MS4A6E: variants seen among roughly 807,000 people sequenced by gnomAD.
The protein encoded by MS4A6E is membrane spanning 4-domains A6E.
A neutral mutation model predicts 13.2 loss-of-function variants in MS4A6E; 8 were observed. That is an observed-to-expected ratio of 0.60 (90% CI 0.35 to 1.09). The LOEUF (loss-of-function observed/expected upper bound fraction) is 1.09, where lower values mean the gene tolerates loss of function less well. MS4A6E is among the 50% of genes least tolerant of loss of function. MS4A6E has a pLI of 0.02. For synonymous variants in MS4A6E, 72 were observed against 67.6 expected, an observed-to-expected ratio of 1.06 and a Z score of -0.32; for missense variants, 177 against 171.1, an observed-to-expected ratio of 1.03 and a Z score of -0.19.
intron 2 of MS4A6E, among the ~76,000 whole-genome samples, chr11:60,335,867 G>C (rs1250530785): frequency 2.0e-5 from 3 of 152,128 alleles, no homozygotes; most frequent in African/African-American, 7.2e-5. Flanking sequence ...TGCAGTATTT[G>C]GTTTTGTTAG....
At chr11:60,332,300 A>ACCT (rs756875960) in intron 1 of MS4A6E, among the ~76,000 whole-genome samples, 1 of 152,256 alleles carries the variant, frequency 6.6e-6, no homozygotes, top group Non-Finnish European at 1.5e-5. Flanking sequence ...AAACTCGGAT[A>ACCT]TCAAGGTATA....
At position 60,334,031 on chromosome 11, in the gene MS4A6E, T is replaced by C. The variant is rs73495328; in HGVS notation, c.-14-851T>C. 3.6e-3 allele frequency among the ~76,000 whole-genome samples: 553 copies of C among 152,310 alleles called. 3 individuals carry two copies. Among genetic ancestry groups the C allele is most frequent in the African/African-American group, 0.013 (543 of 41,554 alleles). On this transcript the variant is annotated intron_variant, in intron 1 of 4. Transcript: ENST00000684409. Reference sequence around the variant, plus strand: ...CTGGAGAAAACCCTGAAGTCCCAGCTTCTCCCTTAGGGAAGCAACAGGAGT... The same window carrying C: ...CTGGAGAAAACCCTGAAGTCCCAGCCTCTCCCTTAGGGAAGCAACAGGAGT...
chr11:60,337,991 T>C (rs371718141), intron 3 of MS4A6E, 44 bp downstream of exon 3: 1 of 1,565,926 alleles, frequency 6.4e-7, no homozygotes, highest in African/African-American at 1.4e-5. Flanking sequence ...ATGAGGTTTC[T>C]GAAAGCCTTG....
intron 4 of MS4A6E, 92 bp downstream of exon 4, chr11:60,340,056 A>G (rs575503253): frequency 1.9e-6 from 3 of 1,567,504 alleles, no homozygotes; most frequent in East Asian, 4.6e-5. Context: ...TAGAAGGAAC[A>G]ATCAGTCAGT....
chr11:60,327,858 C>T (rs781664240), intron 1 of MS4A6E, among the ~76,000 whole-genome samples: 8 of 151,718 alleles, frequency 5.3e-5, no homozygotes, highest in South Asian at 2.1e-4. Context: ...GGTGAAACCT[C>T]GTCTCTACCA....
chr11:60,339,308 A>G (rs1297543688), intron 3 of MS4A6E, among the ~76,000 whole-genome samples: 1 of 152,234 alleles, frequency 6.6e-6, no homozygotes, highest in Non-Finnish European at 1.5e-5. Flanking sequence ...CAAAAATAAA[A>G]AACATCCAAA....
intron 2 of MS4A6E, among the ~76,000 whole-genome samples, chr11:60,337,115 A>G (rs150969898): frequency 1.1e-4 from 17 of 152,202 alleles, no homozygotes; most frequent in Middle Eastern, 3.4e-3. Flanking sequence ...GCTGCGCTCA[A>G]TGTGGCCAGT....
At chr11:60,334,782 C>A in intron 1 of MS4A6E, 100 bp from the exon 2 acceptor site, 2 of 1,297,504 alleles carry the variant, frequency 1.5e-6, no homozygotes, top group Non-Finnish European at 2.2e-6. Context: ...AACACACAGG[C>A]CAAGTCTGGA....
At position 60,339,923 on chromosome 11, in the gene MS4A6E, A is replaced by C; in HGVS notation, c.412A>C (p.Thr138Pro). Residue 138 changes from threonine (T) to proline (P), a missense_variant, in exon 4 of 5, where the codon ACT (threonine) becomes CCT (proline). Coordinates refer to ENST00000684409, the MANE Select transcript of MS4A6E (RefSeq NM_139249.4). ...GTTGGAGTTCTGCCTAGCTGTGCTCACTGCTGTGCTGCAGTGGAAACAGAC... is the reference window on the plus strand; with the variant it reads ...GTTGGAGTTCTGCCTAGCTGTGCTCCCTGCTGTGCTGCAGTGGAAACAGAC... ...TVLEFCLAVL[T>P]AVLQWKQTV is the part of the protein sequence containing the mutation. 6 of 1,613,874 alleles carry C rather than the reference A, an allele frequency of 3.7e-6. No homozygotes were observed. The highest frequency in any genetic ancestry group is 5.1e-6 in the Non-Finnish European group (6 of 1,179,794).
chr11:60,342,698 G>T (rs888720998), downstream of MS4A6E, among the ~76,000 whole-genome samples: 1 of 152,154 alleles, frequency 6.6e-6, no homozygotes, highest in Non-Finnish European at 1.5e-5. Flanking sequence ...AGGGAAGAGG[G>T]AACCTCCATG....
chr11:60,337,699 T>C, intron 2 of MS4A6E, 42 bp from the exon 3 acceptor site: 1 of 1,609,456 alleles, frequency 6.2e-7, no homozygotes, highest in Non-Finnish European at 8.5e-7. Flanking sequence ...GAGAGATTCG[T>C]GGCCCTTTGG....
intron 4 of MS4A6E, among the ~76,000 whole-genome samples, chr11:60,347,743 C>A (rs1238354097): frequency 2.0e-5 from 3 of 152,086 alleles, no homozygotes; most frequent in Admixed American, 6.5e-5. Context: ...CATAACCCCC[C>A]ACCCCAGCCA....
intron 2 of MS4A6E, 28 bp downstream of exon 2, chr11:60,335,070 A>G: frequency 6.2e-7 from 1 of 1,612,246 alleles, no homozygotes; most frequent in South Asian, 1.1e-5. Context: ...CATGTTGGAG[A>G]GGGGTTAGGG....
rs200264244 is a variant in MS4A6E at position 60,334,947 on chromosome 11, G to A, written c.52G>A (p.Val18Ile). 9.8e-5 allele frequency: 158 copies of A among 1,613,982 alleles called. No individual in the cohort carries two copies. Among genetic ancestry groups the A allele is most frequent in the Middle Eastern group, 4.9e-4 (3 of 6,084 alleles). Residue 18 changes from valine to isoleucine, a missense_variant, in exon 2 of 5, where the codon GTC becomes ATC. Val to Ile is a conservative substitution (Grantham distance 29). Coordinates refer to ENST00000684409, the MANE Select transcript of MS4A6E (RefSeq NM_139249.4). ...NETIIMLPSN[V>I]INFSQAEKPE... ...GACCATCATAATGCTCCCATCAAAT[G>A]TCATCAACTTCTCCCAAGCAGAGAA...
chr11:60,340,330 A>G (rs937787591), intron 4 of MS4A6E, among the ~76,000 whole-genome samples: 1 of 152,134 alleles, frequency 6.6e-6, no homozygotes, highest in African/African-American at 2.4e-5. Flanking sequence ...AGCAGAAACA[A>G]TTTCTGCCAC....
At chr11:60,342,198 A>AGGG, downstream of MS4A6E, among the ~76,000 whole-genome samples, 2 of 112,684 alleles carry the variant, frequency 1.8e-5, no homozygotes, top group Non-Finnish European at 3.5e-5. Context: ...AGAGAGAGAG[A>AGGG]GAGGGGGGGG....
intron 1 of MS4A6E, among the ~76,000 whole-genome samples, chr11:60,330,510 T>G (rs1590772425): frequency 6.6e-6 from 1 of 151,698 alleles, no homozygotes; most frequent in East Asian, 2.0e-4. Flanking sequence ...CCAGCTAATT[T>G]CTTTTGTATT....
chr11:60,331,227 C>A (rs1050936478), intron 1 of MS4A6E, among the ~76,000 whole-genome samples: 1 of 139,638 alleles, frequency 7.2e-6, no homozygotes, highest in South Asian at 2.1e-4. Context: ...TTATTACATC[C>A]CAAAATTTAT....
At chr11:60,341,712 A>G (rs1325923632), downstream of MS4A6E, among the ~76,000 whole-genome samples, 1 of 152,144 alleles carries the variant, frequency 6.6e-6, no homozygotes, top group Non-Finnish European at 1.5e-5. Context: ...GTCATACTTC[A>G]TACTCACTGT....
Sources: allele counts gnomAD v4.1 joint callset (sites outside exome capture counted in the v4.1 genomes callset), GRCh38; gene constraint gnomAD v4.1.1; transcripts MANE v1.5; gene names NCBI Gene and HGNC (gene_info 2026-07-23, HGNC 2026-07-21).